The following SEZ6L variants were observed in gnomAD, a reference collection of about 807,000 sequenced individuals.
The protein encoded by SEZ6L is seizure related 6 homolog like.
SEZ6L carries 37 observed loss-of-function variants against 106.2 expected under a neutral mutation model. The observed-to-expected ratio is 0.35, with a 90% CI of 0.27 to 0.46. The LOEUF is 0.46. Among genes scored for constraint, SEZ6L ranks in the 20% least tolerant of loss-of-function variants. The pLI, the probability that SEZ6L is intolerant of heterozygous loss-of-function variation, is 1.00. For missense variants in SEZ6L, 1,172 were observed against 1,332.8 expected (o/e 0.88, Z 1.88); for synonymous variants, 541 against 570.4 (o/e 0.95, Z 0.73).
intron 1 of SEZ6L, among the ~76,000 whole-genome samples, chr22:26,272,134 G>T (rs2080388474): frequency 6.6e-6 from 1 of 152,168 alleles, no homozygotes; most frequent in African/African-American, 2.4e-5. Context: ...ATTGGTCCTT[G>T]GCCATAGAAG....
At chr22:26,360,893 C>A (rs540475978) in intron 12 of SEZ6L, among the ~76,000 whole-genome samples, 2 of 148,912 alleles carry the variant, frequency 1.3e-5, no homozygotes, top group African/African-American at 2.4e-5. Flanking sequence ...GAAAAAAAAA[C>A]AAAAAACAAA....
intron 1 of SEZ6L, among the ~76,000 whole-genome samples, chr22:26,284,658 A>G (rs936541809): frequency 3.3e-5 from 5 of 150,852 alleles, no homozygotes; most frequent in East Asian, 1.9e-4. Context: ...AAACAAGATT[A>G]CAATTAACAC....
At chr22:26,256,279 A>G (rs1036878877) in intron 1 of SEZ6L, among the ~76,000 whole-genome samples, 1 of 152,208 alleles carries the variant, frequency 6.6e-6, no homozygotes, top group African/African-American at 2.4e-5. Context: ...TATGGGTACA[A>G]GGAGATAAGC....
rs1245240311 is a variant in SEZ6L, at chr22:26,354,674, T to C, written c.2599+3431T>C. 3.9e-5 allele frequency among the ~76,000 whole-genome samples: 6 copies of C among 152,226 alleles called. No homozygotes were observed. The East Asian group carries it at 1.2e-3, about 29-fold the overall frequency. On this transcript the variant is annotated intron_variant, in intron 12 of 16. Transcript: ENST00000248933. ...ATACTGAAAGGTGGAGGCATCATTT[T>C]TTTAAAAAAGAAAAAGCACTTCACC...
At chr22:26,231,859 G>T (rs1049141293) in intron 1 of SEZ6L, among the ~76,000 whole-genome samples, 2 of 152,186 alleles carry the variant, frequency 1.3e-5, no homozygotes, top group Non-Finnish European at 2.9e-5. Context: ...GCCCTTAGCT[G>T]TCACCTGAGT....
At chr22:26,313,571 T>TACACACACAC (rs56086023) in intron 8 of SEZ6L, among the ~76,000 whole-genome samples, 193 bp from the exon 9 acceptor site, 14 of 103,888 alleles carry the variant, frequency 1.3e-4, no homozygotes, top group African/African-American at 5.8e-4. Context: ...ATTTAATCAT[T>TACACACACAC]ACACACACAC....
intron 12 of SEZ6L, among the ~76,000 whole-genome samples, chr22:26,361,191 G>T (rs1274250564): frequency 6.6e-6 from 1 of 152,040 alleles, no homozygotes; most frequent in East Asian, 1.9e-4. Context: ...CAAGTCAATA[G>T]AAATTTTTAA....
At chr22:26,369,801 G>C (rs1219206964) in intron 13 of SEZ6L, among the ~76,000 whole-genome samples, 1 of 151,850 alleles carries the variant, frequency 6.6e-6, no homozygotes, top group Non-Finnish European at 1.5e-5. Context: ...ATTTTTAATA[G>C]AGACGGAGTT....
At chr22:26,286,140 C>T (rs1256371645) in intron 1 of SEZ6L, among the ~76,000 whole-genome samples, 2 of 152,168 alleles carry the variant, frequency 1.3e-5, no homozygotes, top group African/African-American at 4.8e-5. Context: ...AAAGTACATC[C>T]ATTGATTCAC....
rs371054914 is a variant in SEZ6L, at chr22:26,292,839, C to G, written c.528C>G (p.Ser176=). 1 of 1,614,056 alleles carries G rather than the reference C, an allele frequency of 6.2e-7. No homozygotes were observed. Among genetic ancestry groups the G allele is most frequent in the Non-Finnish European group, 8.5e-7 (1 of 1,179,942 alleles). Reference sequence around the variant, plus strand: ...GGGACCCGGACCCCATCGTGGCCTCCGAGGAGGCATCAGAAGTGCCCCTTT... The same window carrying G: ...GGGACCCGGACCCCATCGTGGCCTCGGAGGAGGCATCAGAAGTGCCCCTTT... ...PPGDPDPIVA[S]EEASEVPLWL... Residue 176 remains serine (S), a synonymous_variant, in exon 2 of 17, where the codon TCC becomes TCG. Coordinates refer to ENST00000248933, the MANE Select transcript of SEZ6L (RefSeq NM_021115.5).
rs1347499644 is a variant in SEZ6L, at chr22:26,381,134, C to G, written c.*839C>G. On this transcript the variant is annotated 3_prime_UTR_variant, in exon 17 of 17. Coordinates refer to ENST00000248933, the MANE Select transcript of SEZ6L (RefSeq NM_021115.5). ...ATGCTACAAGTGCCAGAATCGATCACCATGTTCAGCAAGCCACTCTCAAGC... is the reference window on the plus strand; with the variant it reads ...ATGCTACAAGTGCCAGAATCGATCAGCATGTTCAGCAAGCCACTCTCAAGC... 1 of 152,056 alleles carries G rather than the reference C, an allele frequency of 6.6e-6. No homozygotes were observed. Among genetic ancestry groups the G allele is most frequent in the Non-Finnish European group, 1.5e-5 (1 of 68,024 alleles). 9.4% of individuals were successfully genotyped at this position (152,056 alleles called of 1,614,324 possible). A position where few individuals can be genotyped will look rare whatever the true frequency, so the allele number is the denominator to read the frequency against.
chr22:26,266,183 C>T (rs2080171090), intron 1 of SEZ6L, among the ~76,000 whole-genome samples: 2 of 152,030 alleles, frequency 1.3e-5, no homozygotes. Context: ...TTGCTGAGTC[C>T]TCAATGGCAG....
intron 1 of SEZ6L, among the ~76,000 whole-genome samples, chr22:26,274,054 G>A (rs759981567): frequency 6.6e-6 from 1 of 152,132 alleles, no homozygotes; most frequent in East Asian, 1.9e-4. Flanking sequence ...CATAGAACAC[G>A]AGATCTGGAA....
intron 12 of SEZ6L, chr22:26,365,009 A>G (rs2083759086): frequency 5.8e-6 from 1 of 172,172 alleles, no homozygotes; most frequent in Admixed American, 5.7e-5. Flanking sequence ...TTACTTACCT[A>G]TTTTAGTCCT....
chr22:26,302,451 G>T (rs1601434862), intron 5 of SEZ6L, among the ~76,000 whole-genome samples: 1 of 152,182 alleles, frequency 6.6e-6, no homozygotes, highest in South Asian at 2.1e-4. Flanking sequence ...AGAGAGTATA[G>T]GTTGCCCTGC....
At chr22:26,297,765 G>C (rs1342566200) in intron 4 of SEZ6L, among the ~76,000 whole-genome samples, 2 of 149,452 alleles carry the variant, frequency 1.3e-5, no homozygotes, top group African/African-American at 4.9e-5. Context: ...CTCTTTGCTT[G>C]CTTGTTTTAT....
chr22:26,282,446 C>T (rs868663762), intron 1 of SEZ6L, among the ~76,000 whole-genome samples: 2 of 152,210 alleles, frequency 1.3e-5, no homozygotes, highest in African/African-American at 2.4e-5. Flanking sequence ...CTCTTTTGTT[C>T]TCAGGCCATT....
At chr22:26,230,074 T>C (rs1249388274) in intron 1 of SEZ6L, among the ~76,000 whole-genome samples, 5 of 152,210 alleles carry the variant, frequency 3.3e-5, no homozygotes, top group African/African-American at 9.6e-5. Flanking sequence ...GTCTGCTGTG[T>C]AGGAGCTGAG....
intron 15 of SEZ6L, among the ~76,000 whole-genome samples, chr22:26,376,150 G>T (rs1489918202): frequency 6.6e-6 from 1 of 151,664 alleles, no homozygotes; most frequent in Non-Finnish European, 1.5e-5. Context: ...ATTCACAGTT[G>T]TTGAGCACTT....
Sources: allele counts gnomAD v4.1 joint callset (sites outside exome capture counted in the v4.1 genomes callset), GRCh38; gene constraint gnomAD v4.1.1; transcripts MANE v1.5; gene names NCBI Gene and HGNC (gene_info 2026-07-23, HGNC 2026-07-21).